CHD1L: variants seen among roughly 807,000 people sequenced by gnomAD.
CHD1L encodes chromodomain helicase DNA binding protein 1 like, also known as ATP-dependent chromatin remodeler CHD1L.
A neutral mutation model predicts 115.9 loss-of-function variants in CHD1L; 118 were observed. The observed-to-expected ratio is 1.02, with a 90% CI of 0.88 to 1.19. CHD1L has a LOEUF of 1.19. Ranked by LOEUF, CHD1L falls within the 50% of genes most tolerant of loss-of-function variation. CHD1L has a pLI of 0.00. For synonymous variants in CHD1L, 411 were observed against 387.1 expected, an observed-to-expected ratio of 1.06 and a Z score of -0.72; for missense variants, 1,179 against 1,065.3, an observed-to-expected ratio of 1.11 and a Z score of -1.49.
At chr1:147,217,611 T>G in the CHD1L span, among the ~76,000 whole-genome samples, 1 of 152,200 alleles carries the variant, frequency 6.6e-6, no homozygotes, top group African/African-American at 2.4e-5. Flanking sequence ...AAATTGATCA[T>G]TCCCATTTCT....
Position 147,286,330 on chromosome 1 carries a change from C to T in CHD1L, c.2051C>T (p.Ser684Phe), listed in dbSNP as rs528197071. The T allele has an allele frequency of 3.1e-6, 5 of 1,614,112 alleles. No individual in the cohort carries two copies. In the African/African-American group the frequency reaches 6.7e-5, roughly 22 times the overall value. The stretch of plus-strand genomic sequence containing the variant: ...TGGTGGGAATCCAACAATTACCAGT[C>T]CTTCTGCCTGCCCTCTGAGGAGAGC... ...MAWWESNNYQ[S>F]FCLPSEESEP... is the part of the protein sequence containing the mutation. The change falls in exon 18 of 23, where the codon TCC (serine) becomes TTC (phenylalanine). Residue 684 changes from serine to phenylalanine, a missense_variant. By Grantham distance (155) the Ser-to-Phe change is radical (BLOSUM62 -2). Coordinates refer to ENST00000369258, the MANE Select transcript of CHD1L (RefSeq NM_004284.6).
At chr1:147,253,530 G>T (rs2102376330) in intron 2 of CHD1L, among the ~76,000 whole-genome samples, 1 of 152,322 alleles carries the variant, frequency 6.6e-6, no homozygotes, top group Middle Eastern at 3.4e-3. Flanking sequence ...TTGAGACAGG[G>T]TCTTGCTCTG....
chr1:147,219,591 C>T, the CHD1L span, among the ~76,000 whole-genome samples: 1 of 152,012 alleles, frequency 6.6e-6, no homozygotes, highest in Non-Finnish European at 1.5e-5. Context: ...GATGTCCTCT[C>T]TCACCACTCC....
chr1:147,184,652 G>A, the CHD1L span: 5 of 1,504,710 alleles, frequency 3.3e-6, no homozygotes, highest in Admixed American at 1.2e-4. This position sits in a 1 kb window ranked among gnomAD's most constrained non-coding sequence, Gnocchi z 4.4. Context: ...TTTTTGAGAG[G>A]AATACAACAG....
chr1:147,223,636 G>T, the CHD1L span: 1 of 156,350 alleles, frequency 6.4e-6, no homozygotes, highest in South Asian at 1.8e-4. Context: ...AAAAAGTTGT[G>T]AATCCTCTGT....
At chr1:147,249,404 A>ATTTTTTTTTTTTTTTTTTTTTTT (rs59773572) in intron 1 of CHD1L, among the ~76,000 whole-genome samples, 1 of 94,174 alleles carries the variant, frequency 1.1e-5, no homozygotes, top group Non-Finnish European at 1.9e-5. Context: ...CTTGGTGTGT[A>ATTTTTTTTTTTTTTTTTTTTTTT]TTTTTTTTTT....
At chr1:147,260,425 A>G (rs1671540223) in intron 6 of CHD1L, 1 of 152,262 alleles carries the variant, frequency 6.6e-6, no homozygotes, top group Non-Finnish European at 1.5e-5. Context: ...TGAACATTTT[A>G]TAGAAGACAG....
chr1:147,292,803 G>T (rs879968972), intron 20 of CHD1L, among the ~76,000 whole-genome samples: 3 of 152,076 alleles, frequency 2.0e-5, no homozygotes, highest in Non-Finnish European at 2.9e-5. Flanking sequence ...ATCACCAAGG[G>T]TATGGCATTA....
At chr1:147,281,796 A>AAT (rs1341704741) in intron 15 of CHD1L, among the ~76,000 whole-genome samples, 7 of 151,726 alleles carry the variant, frequency 4.6e-5, no homozygotes, top group Middle Eastern at 3.4e-3. Context: ...TCTTTAAAAA[A>AAT]ATATATATAT....
upstream of CHD1L, chr1:147,242,664 T>G: frequency 7.9e-7 from 1 of 1,261,368 alleles, no homozygotes; most frequent in Non-Finnish European, 1.0e-6. Flanking sequence ...GGGAGGGAGG[T>G]GCGCGCTTGG....
chr1:147,251,920 T>G (rs1335850902), intron 1 of CHD1L, among the ~76,000 whole-genome samples: 1 of 152,234 alleles, frequency 6.6e-6, no homozygotes, highest in East Asian at 1.9e-4. Flanking sequence ...TTTTGAAGAT[T>G]TTTTTAAAGG....
chr1:147,252,545 C>T (rs1559740947), intron 1 of CHD1L, 78 bp from the exon 2 acceptor site: 8 of 1,089,862 alleles, frequency 7.3e-6, no homozygotes, highest in Non-Finnish European at 1.1e-5. Context: ...CTGTGTTCCT[C>T]ATTCAAACTC....
chr1:147,233,354 GC>G, the CHD1L span, among the ~76,000 whole-genome samples: 1 of 145,326 alleles, frequency 6.9e-6, no homozygotes, highest in African/African-American at 2.7e-5. Context: ...CAGGCCAGCC[GC>G]CCCGTCCGGG....
Position 147,280,158 on chromosome 1 carries a change from G to A in CHD1L, c.1672G>A (p.Ala558Thr). Residue 558 changes from alanine to threonine, a missense_variant, in exon 15 of 23, where the codon GCA becomes ACA. Physicochemically the swap from Ala to Thr is moderately conservative, Grantham distance 58 (BLOSUM62 0). Coordinates refer to ENST00000369258, the MANE Select transcript of CHD1L (RefSeq NM_004284.6). ...GQWVSDALPAAEGGSRDQEEG... is the reference protein window; with the variant it reads ...GQWVSDALPATEGGSRDQEEG... ...GTGGGTCTCTGATGCCTTGCCTGCA[G>A]CAGAAGGAGGGAGCAGAGATCAAGA... The A allele has an allele frequency of 6.2e-7, 1 of 1,611,174 alleles. No individual in the cohort carries two copies. The highest frequency in any genetic ancestry group is 1.1e-5 in the South Asian group (1 of 90,580).
At chr1:147,290,719 T>TC (rs1438664581) in intron 19 of CHD1L, among the ~76,000 whole-genome samples, 1 of 152,124 alleles carries the variant, frequency 6.6e-6, no homozygotes, top group East Asian at 1.9e-4. Flanking sequence ...ACTGGCGTGA[T>TC]CATAGCTCAC....
chr1:147,195,420 AC>A, the CHD1L span, among the ~76,000 whole-genome samples: 2,504 of 152,228 alleles, frequency 0.016, 80 homozygotes, highest in African/African-American at 0.057. Flanking sequence ...GGCATGAGCC[AC>A]CATGCCCAGC....
intron 5 of CHD1L, among the ~76,000 whole-genome samples, chr1:147,257,997 T>G (rs1258998788): frequency 1.3e-5 from 2 of 152,216 alleles, no homozygotes; most frequent in Non-Finnish European, 2.9e-5. Context: ...TCCTGTAGTA[T>G]GAATCCCAAC....
intron 5 of CHD1L, chr1:147,259,424 T>A (rs2102462316): frequency 6.5e-6 from 1 of 154,194 alleles, no homozygotes; most frequent in African/African-American, 2.4e-5. Context: ...TTTATGACCT[T>A]CACCAAGTCA....
At chr1:147,179,446 T>C in the CHD1L span, 1 of 1,592,270 alleles carries the variant, frequency 6.3e-7, no homozygotes, top group Non-Finnish European at 8.6e-7. Context: ...GCCTTCTCCA[T>C]ATGAAGTCAG....
Sources: gnomAD v4.1 joint callset for allele counts (sites outside exome capture counted in the v4.1 genomes callset) on GRCh38, gnomAD v4.1.1 for gene constraint, Gnocchi (gnomAD v3.1) non-coding constraint, MANE v1.5 for transcripts, NCBI Gene and HGNC (gene_info 2026-07-23, HGNC 2026-07-21) for gene names.